DLG2: variants seen among roughly 807,000 people sequenced by gnomAD.
DLG2 encodes the protein disks large homolog 2.
In DLG2, 45 loss-of-function variants were observed where a neutral mutation model predicts 132.5. The observed-to-expected ratio is 0.34, with a 90% CI of 0.27 to 0.44. DLG2 has a LOEUF of 0.44. Ranked by LOEUF, DLG2 falls within the 20% of genes least tolerant of loss-of-function variation. The probability of loss-of-function intolerance (pLI) is 1.00; values close to 1 mark genes in which losing one functional copy is unlikely to be tolerated. For missense variants in DLG2, 1,045 were observed against 1,196.9 expected (o/e 0.87, Z 1.87); for synonymous variants, 424 against 419.6 (o/e 1.01, Z -0.13).
At chr11:84,842,272 C>T (rs2080795060) in intron 6 of DLG2, among the ~76,000 whole-genome samples, 1 of 151,968 alleles carries the variant, frequency 6.6e-6, no homozygotes, top group Non-Finnish European at 1.5e-5. Context: ...CTTCTCATAA[C>T]AATCTTGCTT....
At chr11:84,382,236 CCA>C (rs763853882) in intron 7 of DLG2, among the ~76,000 whole-genome samples, 2 of 152,048 alleles carry the variant, frequency 1.3e-5, no homozygotes, top group Non-Finnish European at 2.9e-5. Flanking sequence ...TCTCCTCAAA[CCA>C]GTTTTTTTTT....
chr11:84,340,174 G>A (rs2098507827), intron 7 of DLG2, among the ~76,000 whole-genome samples: 1 of 152,100 alleles, frequency 6.6e-6, no homozygotes, highest in Non-Finnish European at 1.5e-5. Flanking sequence ...GAAGAATGCA[G>A]GCACACCAGG....
chr11:84,230,623 T>G (rs749745279), intron 8 of DLG2, among the ~76,000 whole-genome samples: 44 of 152,228 alleles, frequency 2.9e-4, no homozygotes, highest in Middle Eastern at 3.4e-3. Context: ...GGGAAAGATA[T>G]GTGAGCACAA....
chr11:85,462,669 G>T (rs937461332), intron 3 of DLG2, among the ~76,000 whole-genome samples: 1 of 152,002 alleles, frequency 6.6e-6, no homozygotes, highest in Non-Finnish European at 1.5e-5. Context: ...GGGGAGCGGG[G>T]AGGGATAGCA....
In DLG2 at chr11:84,124,460, T is replaced by C. The variant is rs185952518; in HGVS notation, c.625-25413A>G. Among the ~76,000 whole-genome samples, 722 of 152,338 alleles carry C rather than the reference T, an allele frequency of 4.7e-3. 4 individuals are homozygous for C. The highest frequency in any genetic ancestry group is 7.4e-3 in the Non-Finnish European group (503 of 68,018). ...GCTACATAAAGAAACACAATATTTG[T>C]TGAATATTTACCTCACTAATCTCTC... On this transcript the variant is annotated intron_variant, in intron 9 of 27. Transcript: ENST00000376104.
Position 83,833,614 on chromosome 11 carries a change from C to A in DLG2, c.1722G>T (p.Ser574=). ...ATAAAGATTAAAGAAACATACTCACCGATAGGATCTGGTCTCCTCTCTGGA... is the reference window on the plus strand; with the variant it reads ...ATAAAGATTAAAGAAACATACTCACAGATAGGATCTGGTCTCCTCTCTGGA... ...GELQRGDQIL[S]VNGIDLRGAS... is the part of the protein sequence containing the mutation. Residue 574 remains serine, a splice_region_variant and synonymous_variant, in exon 17 of 28, where the codon TCG becomes TCT. Coordinates refer to ENST00000376104, the MANE Select transcript of DLG2 (RefSeq NM_001142699.3). 6.2e-7 allele frequency: 1 copy of A among 1,612,166 alleles called. No homozygotes were observed. The highest frequency in any genetic ancestry group is 8.5e-7 in the Non-Finnish European group (1 of 1,179,168).
chr11:83,692,507 T>C (rs186848447), intron 18 of DLG2, among the ~76,000 whole-genome samples: 1 of 151,628 alleles, frequency 6.6e-6, no homozygotes, highest in East Asian at 1.9e-4. Context: ...AAATGAGGAG[T>C]TGCTAATAGT....
chr11:84,071,148 A>G (rs1194642672), intron 10 of DLG2, among the ~76,000 whole-genome samples: 2 of 152,168 alleles, frequency 1.3e-5, no homozygotes, highest in Non-Finnish European at 2.9e-5. Flanking sequence ...GCTGTAGTGC[A>G]GTGGCACAAT....
At chr11:83,650,656 C>T (rs1242850371) in intron 18 of DLG2, among the ~76,000 whole-genome samples, 2 of 152,172 alleles carry the variant, frequency 1.3e-5, no homozygotes, top group East Asian at 3.8e-4. Context: ...TTTAAACACG[C>T]CACCTGAATG....
At chr11:84,472,950 G>A (rs1051890741) in intron 7 of DLG2, among the ~76,000 whole-genome samples, 1 of 152,028 alleles carries the variant, frequency 6.6e-6, no homozygotes, top group South Asian at 2.1e-4. Flanking sequence ...AAGAATAAAC[G>A]TTACAACATG....
intron 6 of DLG2, among the ~76,000 whole-genome samples, chr11:84,863,856 G>A (rs79573713): frequency 0.011 from 1,625 of 152,184 alleles, 29 homozygotes; most frequent in African/African-American, 0.031. Flanking sequence ...CTGCAGCCTC[G>A]GACCAGTTGC....
chr11:85,422,053 G>A (rs566024057), intron 3 of DLG2, among the ~76,000 whole-genome samples: 3 of 152,288 alleles, frequency 2.0e-5, no homozygotes, highest in African/African-American at 7.2e-5. Flanking sequence ...GCTGAGAAAT[G>A]TGCTTTTAAT....
At chr11:83,659,739 T>C (rs1196484995) in intron 18 of DLG2, among the ~76,000 whole-genome samples, 3 of 152,234 alleles carry the variant, frequency 2.0e-5, no homozygotes, top group Non-Finnish European at 4.4e-5. Context: ...GCCTGCCCTT[T>C]AATCCACACA....
intron 6 of DLG2, among the ~76,000 whole-genome samples, chr11:84,770,736 C>T (rs2069204493): frequency 6.6e-6 from 1 of 151,412 alleles, no homozygotes; most frequent in Non-Finnish European, 1.5e-5. Flanking sequence ...AGCTCTGCCT[C>T]ACGGGTTCAC....
intron 16 of DLG2, among the ~76,000 whole-genome samples, chr11:83,841,990 T>G (rs1176157952): frequency 1.3e-5 from 2 of 152,218 alleles, no homozygotes; most frequent in African/African-American, 2.4e-5. Context: ...GCGGCCAGCC[T>G]TCTTCTTAAA....
intron 18 of DLG2, among the ~76,000 whole-genome samples, chr11:83,675,994 T>G (rs994999610): frequency 1.3e-5 from 2 of 152,244 alleles, no homozygotes; most frequent in Admixed American, 1.3e-4. Context: ...TATAGATGGC[T>G]GCTGGATGCT....
chr11:84,837,113 T>C (rs771837633), intron 6 of DLG2, among the ~76,000 whole-genome samples: 1 of 151,860 alleles, frequency 6.6e-6, no homozygotes, highest in South Asian at 2.1e-4. Flanking sequence ...ATATAACATA[T>C]ACTTCTTAGC....
intron 5 of DLG2, among the ~76,000 whole-genome samples, chr11:85,138,356 T>A (rs550543171): frequency 6.6e-6 from 1 of 152,332 alleles, no homozygotes; most frequent in African/African-American, 2.4e-5. Context: ...ACATTTCTTA[T>A]GAGGCTCAAT....
chr11:83,896,004 C>T (rs978547475), intron 15 of DLG2, among the ~76,000 whole-genome samples: 2 of 152,026 alleles, frequency 1.3e-5, no homozygotes, highest in African/African-American at 4.8e-5. Context: ...CAAGACGAAC[C>T]ATTTGTACTT....
Sources: allele counts gnomAD v4.1 joint callset (sites outside exome capture counted in the v4.1 genomes callset), GRCh38; gene constraint gnomAD v4.1.1; transcripts MANE v1.5; gene names NCBI Gene and HGNC (gene_info 2026-07-23, HGNC 2026-07-21).